The following KMT2C variants were observed in gnomAD, a reference collection of about 807,000 sequenced individuals.
The protein encoded by KMT2C is histone-lysine N-methyltransferase 2C.
In KMT2C, 88 loss-of-function variants were observed where a neutral mutation model predicts 507.9. The observed-to-expected ratio is 0.17, with a 90% CI of 0.15 to 0.21. The LOEUF (loss-of-function observed/expected upper bound fraction) is 0.21, where lower values mean the gene tolerates loss of function less well. KMT2C is among the 10% of genes least tolerant of loss of function. The pLI is 1.00. For synonymous variants in KMT2C, 2,049 were observed against 2,080.8 expected (o/e 0.98, Z 0.42); for missense variants, 4,954 against 5,957.8 (o/e 0.83, Z 5.55).
chr7:152,325,270 T>G (rs949583669), intron 3 of KMT2C, among the ~76,000 whole-genome samples: 2 of 151,412 alleles, frequency 1.3e-5, no homozygotes, highest in African/African-American at 4.8e-5. Context: ...TGCCTCAGCC[T>G]CCCAAGTAGC....
intron 6 of KMT2C, among the ~76,000 whole-genome samples, chr7:152,302,667 A>C (rs2096580059): frequency 1.3e-5 from 2 of 151,938 alleles, no homozygotes; most frequent in South Asian, 4.2e-4. Context: ...TTTGAGAAGA[A>C]GTCCTGCTCT....
intron 14 of KMT2C, among the ~76,000 whole-genome samples, chr7:152,244,945 A>C (rs1185338704): frequency 1.3e-5 from 2 of 152,218 alleles, no homozygotes; most frequent in Admixed American, 1.3e-4. Flanking sequence ...AACCTCCTTA[A>C]AGGAAAATAA....
intron 3 of KMT2C, among the ~76,000 whole-genome samples, chr7:152,329,685 AGGGAAGGAGGGC>A (rs766026839): frequency 8.6e-5 from 11 of 128,212 alleles, no homozygotes; most frequent in Non-Finnish European, 1.6e-4. Flanking sequence ...GGAGAAAGGG[AGGGAAGGAGGGC>A]GGGAAGGAAG....
At chr7:152,396,597 G>A (rs959195122) in intron 1 of KMT2C, among the ~76,000 whole-genome samples, 9 of 152,190 alleles carry the variant, frequency 5.9e-5, no homozygotes, top group Non-Finnish European at 2.9e-5. Flanking sequence ...GACATGTTAT[G>A]ACTTTAGGGA....
intron 45 of KMT2C, 55 bp downstream of exon 45, chr7:152,156,150 C>A (rs937579306): frequency 6.2e-7 from 1 of 1,602,880 alleles, no homozygotes; most frequent in Admixed American, 1.7e-5. Flanking sequence ...TCACAATACA[C>A]AACTGGCAGA....
chr7:152,184,342 CTATA>C (rs1246959544), intron 34 of KMT2C, among the ~76,000 whole-genome samples: 1 of 151,828 alleles, frequency 6.6e-6, no homozygotes, highest in Non-Finnish European at 1.5e-5. Context: ...TGGAAAATAA[CTATA>C]TATATTTTCC....
rs779820282 is a variant in KMT2C, at chr7:152,146,629, G to A, written c.14001C>T (p.Thr4667=). 5.3e-5 allele frequency: 85 copies of A among 1,613,986 alleles called. No individual in the cohort carries two copies. Among genetic ancestry groups the A allele is most frequent in the Non-Finnish European group, 6.1e-5 (72 of 1,180,006 alleles). ...CCGCTATGCGTGCCACTGCAGAGAC[G>A]GTCAGGCCAAACAGATCCTCTCCTT... ...YLKGEDLFGL[T]VSAVARIAES... is the part of the protein sequence containing the mutation. Residue 4667 remains threonine, a synonymous_variant, in exon 53 of 59, where the codon ACC becomes ACT. Coordinates refer to ENST00000262189, the MANE Select transcript of KMT2C (RefSeq NM_170606.3).
chr7:152,302,470 C>T (rs1321771698), intron 6 of KMT2C, among the ~76,000 whole-genome samples: 1 of 151,998 alleles, frequency 6.6e-6, no homozygotes, highest in Non-Finnish European at 1.5e-5. Context: ...CCTCAGCCTC[C>T]CAAAGTGCTA....
chr7:152,205,174 G>A lies in KMT2C; in HGVS notation c.3893C>T (p.Thr1298Ile). 1.2e-6 allele frequency: 2 copies of A among 1,610,970 alleles called. No homozygotes were observed. The highest frequency in any genetic ancestry group is 1.7e-6 in the Non-Finnish European group (2 of 1,178,010). Reference sequence around the variant, plus strand: ...ATCTTTTCTGATCACAGATCTTTTGGTTTTCCCTTGCCCAGTTCGACTTCT... The same window carrying A: ...ATCTTTTCTGATCACAGATCTTTTGATTTTCCCTTGCCCAGTTCGACTTCT... The part of the protein sequence containing the change: ...RQRSRTGQGK[T>I]KRSVIRKDSS... The change falls in exon 25 of 59, where the codon ACC (threonine) becomes ATC (isoleucine). Residue 1298 changes from threonine (T) to isoleucine (I), a missense_variant. Coordinates refer to ENST00000262189, the MANE Select transcript of KMT2C (RefSeq NM_170606.3).
At chr7:152,329,279 G>A (rs1005815321) in intron 3 of KMT2C, among the ~76,000 whole-genome samples, 1 of 152,148 alleles carries the variant, frequency 6.6e-6, no homozygotes, top group South Asian at 2.1e-4. Context: ...AAGAAGATGA[G>A]AGAGGTCAGG....
chr7:152,430,047 A>G (rs927849022), intron 1 of KMT2C, among the ~76,000 whole-genome samples: 1 of 134,500 alleles, frequency 7.4e-6, no homozygotes, highest in Non-Finnish European at 1.7e-5. Context: ...GTGTGGTGGC[A>G]TGCGCCTGTA....
intron 14 of KMT2C, among the ~76,000 whole-genome samples, chr7:152,247,567 C>T (rs1336911253): frequency 1.3e-5 from 2 of 152,274 alleles, no homozygotes; most frequent in African/African-American, 4.8e-5. Flanking sequence ...TACTGTATAC[C>T]CAAAACTATA....
intron 2 of KMT2C, among the ~76,000 whole-genome samples, chr7:152,346,729 G>A (rs1346771591): frequency 1.3e-5 from 2 of 152,142 alleles, no homozygotes; most frequent in African/African-American, 4.8e-5. Context: ...ACTGTTGACA[G>A]GAAGCCTTAC....
At chr7:152,302,660 GAGA>G (rs970466297) in intron 6 of KMT2C, among the ~76,000 whole-genome samples, 7 of 151,978 alleles carry the variant, frequency 4.6e-5, no homozygotes, top group African/African-American at 1.7e-4. Flanking sequence ...CATTCATTTT[GAGA>G]AGAAGTCCTG....
At chr7:152,183,353 G>A (rs993365831) in intron 34 of KMT2C, among the ~76,000 whole-genome samples, 197 bp from the exon 35 acceptor site, 1 of 152,134 alleles carries the variant, frequency 6.6e-6, no homozygotes, top group Non-Finnish European at 1.5e-5. Context: ...CCTATCAGTT[G>A]AGGATATATT....
intron 1 of KMT2C, among the ~76,000 whole-genome samples, chr7:152,408,550 T>G (rs1175557945): frequency 1.3e-5 from 2 of 152,174 alleles, no homozygotes; most frequent in Non-Finnish European, 2.9e-5. Context: ...GAGCTCGGCC[T>G]CCTCTAGATC....
chr7:152,311,029 C>A (rs1451188703), intron 5 of KMT2C, among the ~76,000 whole-genome samples: 1 of 152,086 alleles, frequency 6.6e-6, no homozygotes, highest in Non-Finnish European at 1.5e-5. Context: ...TTATGATGCA[C>A]ACACAAGTTT....
chr7:152,401,098 C>T (rs990633971), intron 1 of KMT2C, among the ~76,000 whole-genome samples: 1 of 139,748 alleles, frequency 7.2e-6, no homozygotes, highest in African/African-American at 2.6e-5. Flanking sequence ...TATTCATTAA[C>T]TTTTTTTTTT....
chr7:152,288,045 A>AG (rs2096337274), intron 6 of KMT2C, among the ~76,000 whole-genome samples: 4 of 146,716 alleles, frequency 2.7e-5, no homozygotes, highest in African/African-American at 1.0e-4. Context: ...AAAAAAAAAA[A>AG]GCAATTACAA....
Sources: allele counts gnomAD v4.1 joint callset (sites outside exome capture counted in the v4.1 genomes callset), GRCh38; gene constraint gnomAD v4.1.1; transcripts MANE v1.5; gene names NCBI Gene and HGNC (gene_info 2026-07-23, HGNC 2026-07-21).